Variants in GRIK4 observed in about 807,000 individuals in gnomAD.
GRIK4 encodes the protein glutamate receptor ionotropic, kainate 4.
In GRIK4, 40 loss-of-function variants were observed where a neutral mutation model predicts 104.9. That is an observed-to-expected ratio of 0.38 (90% CI 0.30 to 0.50). GRIK4 has a LOEUF of 0.50. Ranked by LOEUF, GRIK4 falls within the 20% of genes least tolerant of loss-of-function variation. The probability of loss-of-function intolerance (pLI) is 0.93; values close to 1 mark genes in which losing one functional copy is unlikely to be tolerated. For synonymous variants in GRIK4, 485 were observed against 524.9 expected (o/e 0.92, Z 1.04); for missense variants, 1,047 against 1,308.1 (o/e 0.80, Z 3.08).
chr11:120,785,925 C>G (rs1424596198), intron 3 of GRIK4, among the ~76,000 whole-genome samples: 1 of 152,254 alleles, frequency 6.6e-6, no homozygotes, highest in Non-Finnish European at 1.5e-5. Flanking sequence ...CACACTTCAC[C>G]TGCCCTGTCA....
chr11:120,892,490 G>T (rs929591214), intron 11 of GRIK4, among the ~76,000 whole-genome samples: 1 of 152,126 alleles, frequency 6.6e-6, no homozygotes, highest in Non-Finnish European at 1.5e-5. Flanking sequence ...AGGCTGGGGA[G>T]GGGTGAGGCT....
chr11:120,738,267 G>C (rs904138490), intron 3 of GRIK4, among the ~76,000 whole-genome samples: 3 of 152,234 alleles, frequency 2.0e-5, no homozygotes, highest in African/African-American at 7.2e-5. Context: ...TTTGGTGCAA[G>C]GGAAGTGATT....
In GRIK4 at chr11:120,905,405, A is replaced by G; in HGVS notation, c.1388A>G (p.Tyr463Cys). 6.2e-7 allele frequency: 1 copy of G among 1,614,104 alleles called. No individual in the cohort carries two copies. Among genetic ancestry groups the G allele is most frequent in the Non-Finnish European group, 8.5e-7 (1 of 1,179,972 alleles). The change falls in exon 13 of 21, where the codon TAC becomes TGC. Residue 463 changes from tyrosine to cysteine, a missense_variant. By Grantham distance (194) the Tyr-to-Cys change is radical (BLOSUM62 -2). Transcript: ENST00000527524. The surrounding 1 kb of genome is among the most constrained non-coding windows in gnomAD (Gnocchi z 5.1). ...CTGGCAGAGATCCTCCGATTCAACT[A>G]CAAGATCCGCCTGGTTGGGGATGGC... ...KELAEILRFN[Y>C]KIRLVGDGVY...
At chr11:120,646,632 C>G (rs566294750) in intron 1 of GRIK4, among the ~76,000 whole-genome samples, 1 of 152,272 alleles carries the variant, frequency 6.6e-6, no homozygotes, top group South Asian at 2.1e-4. Flanking sequence ...ACTTATTGAG[C>G]TCCAACTAGG....
chr11:120,600,004 A>G (rs1355985826), intron 1 of GRIK4, among the ~76,000 whole-genome samples: 1 of 152,230 alleles, frequency 6.6e-6, no homozygotes, highest in Non-Finnish European at 1.5e-5. Context: ...AGCACCTAGC[A>G]TGGGGCCTGG....
intron 1 of GRIK4, among the ~76,000 whole-genome samples, chr11:120,631,933 C>T (rs953023347): frequency 5.9e-5 from 9 of 152,104 alleles, no homozygotes; most frequent in African/African-American, 1.4e-4. Flanking sequence ...CAGGTGATCC[C>T]AGGTTTGAAG....
chr11:120,584,796 C>T (rs898242126), intron 1 of GRIK4, among the ~76,000 whole-genome samples: 1 of 152,126 alleles, frequency 6.6e-6, no homozygotes, highest in Admixed American at 6.5e-5. Flanking sequence ...TTATGAAAAG[C>T]CTTTTCTGCA....
chr11:120,563,476 T>C (rs1275375460), intron 1 of GRIK4, among the ~76,000 whole-genome samples: 1 of 152,160 alleles, frequency 6.6e-6, no homozygotes, highest in Non-Finnish European at 1.5e-5. Context: ...GCCTTAACTT[T>C]CTGGAGCAAA....
intron 4 of GRIK4, among the ~76,000 whole-genome samples, chr11:120,814,456 C>T (rs1738690452): frequency 6.6e-6 from 1 of 152,086 alleles, no homozygotes; most frequent in Admixed American, 6.6e-5. Flanking sequence ...AAAAATTAGC[C>T]AGGCGTGGTG....
rs187250995 is a variant in GRIK4 at position 120,629,206 on chromosome 11, T to C, written c.-158-24479T>C. ...GAAGCATAATTGAGAACAAAACTGGTATAGGGCAGTGGTTGATGATCTGAG... is the reference window on the plus strand; with the variant it reads ...GAAGCATAATTGAGAACAAAACTGGCATAGGGCAGTGGTTGATGATCTGAG... On this transcript the variant is annotated intron_variant, in intron 1 of 20. Transcript: ENST00000527524. Among the ~76,000 whole-genome samples the C allele has an allele frequency of 2.2e-3, 341 of 152,196 alleles. 2 individuals are homozygous for C. The highest frequency in any genetic ancestry group is 7.7e-3 in the African/African-American group (318 of 41,524).
intron 3 of GRIK4, among the ~76,000 whole-genome samples, chr11:120,673,538 G>C (rs1007754527): frequency 1.3e-5 from 2 of 152,198 alleles, no homozygotes; most frequent in African/African-American, 4.8e-5. Flanking sequence ...ATCAACCTGA[G>C]TTTTGACTGT....
At chr11:120,557,436 G>A (rs752501932) in intron 1 of GRIK4, among the ~76,000 whole-genome samples, 10 of 152,326 alleles carry the variant, frequency 6.6e-5, no homozygotes, top group Non-Finnish European at 1.5e-4. Flanking sequence ...CAGTTTCCCA[G>A]CCTCTCCTGC....
intron 3 of GRIK4, among the ~76,000 whole-genome samples, chr11:120,780,273 C>G (rs1235145650): frequency 6.6e-6 from 1 of 152,208 alleles, no homozygotes; most frequent in Non-Finnish European, 1.5e-5. Context: ...CTCCAGAATT[C>G]TTTTTGTCTT....
At chr11:120,900,984 A>C (rs7936620) in intron 12 of GRIK4, among the ~76,000 whole-genome samples, 1,755 of 152,246 alleles carry the variant, frequency 0.012, 45 homozygotes, top group African/African-American at 0.04. Flanking sequence ...CTTAGTCTCT[A>C]AAAATCTTCT....
At chr11:120,823,183 A>G (rs1953170385) in intron 6 of GRIK4, among the ~76,000 whole-genome samples, 1 of 152,140 alleles carries the variant, frequency 6.6e-6, no homozygotes, top group African/African-American at 2.4e-5. Flanking sequence ...ACAATATCTC[A>G]CCAACCTGAC....
intron 1 of GRIK4, among the ~76,000 whole-genome samples, chr11:120,635,803 T>C (rs1565583561): frequency 6.6e-6 from 1 of 152,194 alleles, no homozygotes; most frequent in Non-Finnish European, 1.5e-5. Context: ...TTTCACAAAA[T>C]TATATCAATC....
At chr11:120,928,988 T>TGTGCGC (rs1205285819) in intron 13 of GRIK4, among the ~76,000 whole-genome samples, 53 of 118,470 alleles carry the variant, frequency 4.5e-4, no homozygotes, top group African/African-American at 1.4e-3. Flanking sequence ...TGTGTGTGTG[T>TGTGCGC]GCGCGCGTGC....
In GRIK4 at chr11:120,967,442, G is replaced by A. The variant is rs1045460937; in HGVS notation, c.2395+119G>A. 4 of 1,071,778 alleles carry A rather than the reference G, an allele frequency of 3.7e-6. No individual in the cohort carries two copies. The African/African-American group carries it at 6.4e-5, about 17-fold the overall frequency. The allele number at this position is 1,071,778 out of a possible 1,614,324, so 66.4% of individuals were successfully genotyped here. On this transcript the variant is annotated intron_variant, in intron 19 of 20. Coordinates refer to ENST00000527524, the MANE Select transcript of GRIK4 (RefSeq NM_014619.5). The surrounding 1 kb of genome is among the most constrained non-coding windows in gnomAD (Gnocchi z 4.2). The stretch of plus-strand genomic sequence containing the variant: ...GGACCCATTGAGAACGGCCTTGGAA[G>A]GAACCTAGGTATAAAGTGGGCTGGC...
At chr11:120,575,160 G>C (rs1948463621) in intron 1 of GRIK4, among the ~76,000 whole-genome samples, 1 of 152,164 alleles carries the variant, frequency 6.6e-6, no homozygotes, top group Non-Finnish European at 1.5e-5. Context: ...AGGTGGTTCA[G>C]TTATGCACGT....
Sources: allele counts gnomAD v4.1 joint callset (sites outside exome capture counted in the v4.1 genomes callset), GRCh38; gene constraint gnomAD v4.1.1; non-coding constraint Gnocchi (gnomAD v3.1); transcripts MANE v1.5; gene names NCBI Gene and HGNC (gene_info 2026-07-23, HGNC 2026-07-21).